Variants in SH3BP5 observed in about 807,000 individuals in gnomAD.
The protein encoded by SH3BP5 is SH3 domain-binding protein 5.
SH3BP5 carries 22 observed loss-of-function variants against 43.3 expected under a neutral mutation model. That is an observed-to-expected ratio of 0.51 (90% confidence interval 0.36 to 0.73). The LOEUF (loss-of-function observed/expected upper bound fraction) is 0.73, where lower values mean the gene tolerates loss of function less well. Among genes scored for constraint, SH3BP5 ranks in the 30% least tolerant of loss-of-function variants. The probability of loss-of-function intolerance (pLI) is 0.00; values close to 1 mark genes in which losing one functional copy is unlikely to be tolerated. For synonymous variants in SH3BP5, 255 were observed against 225.8 expected, an observed-to-expected ratio of 1.13 and a Z score of -1.16; for missense variants, 529 against 586.9, an observed-to-expected ratio of 0.90 and a Z score of 1.02.
intron 3 of SH3BP5, among the ~76,000 whole-genome samples, chr3:15,297,545 A>G (rs1697610038): frequency 1.3e-5 from 2 of 152,250 alleles, no homozygotes; most frequent in Admixed American, 1.3e-4. Flanking sequence ...AGTAGCTAGA[A>G]TAAGTTGCAG....
In SH3BP5 at chr3:15,254,757, C is replaced by T. The variant is rs1046633784; in HGVS notation, c.*1329G>A. 2 of 152,298 alleles carry T rather than the reference C, an allele frequency of 1.3e-5. No homozygotes were observed. Among genetic ancestry groups the T allele is most frequent in the African/African-American group, 4.8e-5 (2 of 41,548 alleles). The allele number at this position is 152,298 out of a possible 1,614,324, so 9.4% of individuals were successfully genotyped here. On this transcript the variant is annotated 3_prime_UTR_variant, in exon 9 of 9. Transcript: ENST00000383791. Reference sequence around the variant, plus strand: ...ATTAATTGAAAATGATTACTGGTGACCACAGCACTCCATGCTCTTCCTTAT... The same window carrying T: ...ATTAATTGAAAATGATTACTGGTGATCACAGCACTCCATGCTCTTCCTTAT...
chr3:15,268,429 T>A (rs1696703535), intron 4 of SH3BP5, among the ~76,000 whole-genome samples: 1 of 151,608 alleles, frequency 6.6e-6, no homozygotes, highest in Admixed American at 6.6e-5. Context: ...CCGTCCAGGG[T>A]CTTATTGGAG....
chr3:15,328,415 CTTT>C (rs760691045), intron 2 of SH3BP5, among the ~76,000 whole-genome samples: 1 of 140,694 alleles, frequency 7.1e-6, no homozygotes, highest in African/African-American at 2.6e-5. Context: ...TCAATCAATG[CTTT>C]TAAAAAAAAA....
intron 6 of SH3BP5, chr3:15,259,429 G>A: frequency 1.9e-6 from 1 of 523,298 alleles, no homozygotes; most frequent in Non-Finnish European, 3.4e-6. Flanking sequence ...CAGCTCACTA[G>A]ACTCCAACCT....
intron 2 of SH3BP5, among the ~76,000 whole-genome samples, chr3:15,316,591 A>G (rs546922169): frequency 1.7e-4 from 26 of 152,280 alleles, no homozygotes; most frequent in African/African-American, 6.0e-4. Flanking sequence ...AACCAATTAC[A>G]AAAAAATGTT....
chr3:15,267,516 A>G (rs1408003133), intron 4 of SH3BP5, among the ~76,000 whole-genome samples: 3 of 152,198 alleles, frequency 2.0e-5, no homozygotes. Flanking sequence ...GTGACCCGGA[A>G]CACCTGCCAA....
rs569897354 is a variant in SH3BP5 at position 15,255,328 on chromosome 3, A to T, written c.*758T>A. 6.6e-6 allele frequency: 1 copy of T among 152,618 alleles called. No homozygotes were observed. Among genetic ancestry groups the T allele is most frequent in the Non-Finnish European group, 1.5e-5 (1 of 68,030 alleles). 9.5% of individuals were successfully genotyped at this position (152,618 alleles called of 1,614,324 possible). A position where few individuals can be genotyped will look rare whatever the true frequency, so the allele number is the denominator to read the frequency against. On this transcript the variant is annotated 3_prime_UTR_variant, in exon 9 of 9. Coordinates refer to ENST00000383791, the MANE Select transcript of SH3BP5 (RefSeq NM_004844.5). Reference sequence around the variant, plus strand: ...TTCACATGCACTTCTCTTAGAATAAATCCCCTTGGCTGGCAGGATAAGGCT... The same window carrying T: ...TTCACATGCACTTCTCTTAGAATAATTCCCCTTGGCTGGCAGGATAAGGCT...
At chr3:15,259,424 C>T in intron 6 of SH3BP5, 1 of 520,492 alleles carries the variant, frequency 1.9e-6, no homozygotes, top group Non-Finnish European at 3.5e-6. Context: ...AGACTCAGCT[C>T]ACTAGACTCC....
intron 7 of SH3BP5, chr3:15,257,522 C>T: frequency 6.2e-6 from 1 of 160,370 alleles, no homozygotes. Flanking sequence ...TGGACTCAGG[C>T]TTCTTTCTTA....
intron 3 of SH3BP5, among the ~76,000 whole-genome samples, chr3:15,272,746 T>C (rs1224049218): frequency 6.6e-6 from 1 of 151,978 alleles, no homozygotes; most frequent in African/African-American, 2.4e-5. Flanking sequence ...TCAGATCAAA[T>C]TTTTAAAAAG....
intron 4 of SH3BP5, among the ~76,000 whole-genome samples, chr3:15,267,838 A>T (rs1180518637): frequency 6.6e-6 from 1 of 152,224 alleles, no homozygotes; most frequent in African/African-American, 2.4e-5. Flanking sequence ...ACAAAGCAGA[A>T]GCATGGTTTG....
In SH3BP5 at chr3:15,326,861, A is replaced by G. The variant is rs138993750; in HGVS notation, c.201+3643T>C. Among the ~76,000 whole-genome samples the G allele has an allele frequency of 1.8e-3, 281 of 152,326 alleles. 4 individuals carry two copies. Among genetic ancestry groups the G allele is most frequent in the African/African-American group, 6.3e-3 (261 of 41,568 alleles). On this transcript the variant is annotated intron_variant, in intron 2 of 8. Transcript: ENST00000383791. ...GGCTGTGATGTGGCTTACAGAGCAA[A>G]TACATGTTAGGTGAGTGGCCCTGAG...
intron 2 of SH3BP5, among the ~76,000 whole-genome samples, chr3:15,315,233 G>A (rs532604371): frequency 2.6e-5 from 4 of 151,674 alleles, no homozygotes; most frequent in Admixed American, 6.6e-5. Context: ...GTTTCCCTAC[G>A]CATCAGAGCC....
At chr3:15,329,668 G>C (rs1041009933) in intron 2 of SH3BP5, among the ~76,000 whole-genome samples, 2 of 152,146 alleles carry the variant, frequency 1.3e-5, no homozygotes, top group Non-Finnish European at 2.9e-5. Flanking sequence ...TTCCACTGAC[G>C]TTTGCTATTT....
At chr3:15,337,914 CAAAAAA>C (rs5846867) in intron 1 of SH3BP5, among the ~76,000 whole-genome samples, 3 of 63,304 alleles carry the variant, frequency 4.7e-5, no homozygotes, top group South Asian at 5.5e-4. Context: ...GACCCTGACT[CAAAAAA>C]AAAAAAAAAA....
rs182380129 is a variant in SH3BP5 at position 15,295,413 on chromosome 3, T to C, written c.330+8690A>G. On this transcript the variant is annotated intron_variant, in intron 3 of 8. Coordinates refer to ENST00000383791, the MANE Select transcript of SH3BP5 (RefSeq NM_004844.5). The stretch of plus-strand genomic sequence containing the variant: ...CCTTCTTGTTTTGGCTCTCATACTG[T>C]ACACAAGTGTCCTTTCCTCGGTCCT... 6.1e-4 allele frequency among the ~76,000 whole-genome samples: 93 copies of C among 152,334 alleles called. 2 individuals carry two copies. In the East Asian group the frequency reaches 0.011, roughly 19 times the overall value.
chr3:15,329,884 C>T (rs545735819), intron 2 of SH3BP5, among the ~76,000 whole-genome samples: 1 of 152,246 alleles, frequency 6.6e-6, no homozygotes, highest in East Asian at 1.9e-4. Context: ...CTTGTTTACA[C>T]TCCCATTGGA....
intron 3 of SH3BP5, among the ~76,000 whole-genome samples, chr3:15,288,029 C>T (rs1339914572): frequency 6.6e-6 from 1 of 152,192 alleles, no homozygotes; most frequent in Non-Finnish European, 1.5e-5. Context: ...TGGAGGCTGG[C>T]AAGTTCAAAA....
chr3:15,326,021 T>C (rs967829971), intron 2 of SH3BP5, among the ~76,000 whole-genome samples: 2 of 152,066 alleles, frequency 1.3e-5, no homozygotes, highest in African/African-American at 4.8e-5. Context: ...CCTGTCTCAA[T>C]AAATAAATAA....
Sources: allele counts gnomAD v4.1 joint callset (sites outside exome capture counted in the v4.1 genomes callset), GRCh38; gene constraint gnomAD v4.1.1; transcripts MANE v1.5; gene names NCBI Gene and HGNC (gene_info 2026-07-23, HGNC 2026-07-21).